FHIT: variants seen among roughly 807,000 people sequenced by gnomAD.
FHIT encodes the protein bis(5'-adenosyl)-triphosphatase.
Under a neutral mutation model 17.9 loss-of-function variants are expected in FHIT, and 19 were observed. That is an observed-to-expected ratio of 1.06 (90% CI 0.74 to 1.56). The LOEUF is 1.56. Ranked by LOEUF, FHIT falls within the 40% of genes most tolerant of loss-of-function variation. FHIT has a pLI of 0.00. For synonymous variants in FHIT, 81 were observed against 69.7 expected, an observed-to-expected ratio of 1.16 and a Z score of -0.81; for missense variants, 248 against 189.2, an observed-to-expected ratio of 1.31 and a Z score of -1.82.
At chr3:60,140,214 T>C (rs1343874264) in intron 5 of FHIT, among the ~76,000 whole-genome samples, 5 of 152,190 alleles carry the variant, frequency 3.3e-5, no homozygotes, top group African/African-American at 1.2e-4. Context: ...TGTACAGTAG[T>C]AGACAAATGT....
In FHIT at chr3:59,916,753, T is replaced by C. The variant is rs1011810404; in HGVS notation, c.348+5593A>G. Among the ~76,000 whole-genome samples the C allele has an allele frequency of 2.6e-5, 4 of 152,330 alleles. No individual in the cohort carries two copies. In the East Asian group the frequency reaches 5.8e-4, roughly 22 times the overall value. On this transcript the variant is annotated intron_variant, in intron 8 of 9. Coordinates refer to ENST00000492590, the MANE Select transcript of FHIT (RefSeq NM_002012.4). The stretch of plus-strand genomic sequence containing the variant: ...GATACAGAGGGAGCATTTGAGGTCA[T>C]AGGTCATTAAATTAGCATTACTATA...
chr3:60,806,915 C>T (rs1477495030), intron 4 of FHIT, among the ~76,000 whole-genome samples: 1 of 152,266 alleles, frequency 6.6e-6, no homozygotes, highest in South Asian at 2.1e-4. Flanking sequence ...GATCAAATAT[C>T]ATCCTTCATT....
At chr3:60,057,861 T>C (rs919888563) in intron 5 of FHIT, among the ~76,000 whole-genome samples, 1 of 152,112 alleles carries the variant, frequency 6.6e-6, no homozygotes, top group African/African-American at 2.4e-5. Flanking sequence ...TGGTTTTACA[T>C]AGTCTGGTTT....
chr3:60,974,719 C>T (rs1239888688), intron 3 of FHIT, among the ~76,000 whole-genome samples: 1 of 152,146 alleles, frequency 6.6e-6, no homozygotes, highest in Admixed American at 6.6e-5. Context: ...TGAAAAGACG[C>T]AGTAGCATTA....
chr3:59,899,770 C>T (rs1193849480), intron 8 of FHIT, among the ~76,000 whole-genome samples: 6 of 152,132 alleles, frequency 3.9e-5, no homozygotes, highest in East Asian at 1.9e-4. Flanking sequence ...TGCTTGAACC[C>T]GGGAGGCGGA....
intron 5 of FHIT, among the ~76,000 whole-genome samples, chr3:60,431,372 G>A (rs927962271): frequency 6.6e-6 from 1 of 151,862 alleles, no homozygotes; most frequent in Non-Finnish European, 1.5e-5. Flanking sequence ...CAAAGCAGGG[G>A]CTCTCCCAAC....
intron 2 of FHIT, among the ~76,000 whole-genome samples, chr3:61,195,099 G>T (rs1252473558): frequency 6.6e-6 from 1 of 151,686 alleles, no homozygotes; most frequent in Non-Finnish European, 1.5e-5. Flanking sequence ...TTGCCCAGAT[G>T]TCATTTAGGG....
chr3:59,992,848 C>A (rs1441320944), intron 7 of FHIT, among the ~76,000 whole-genome samples: 1 of 152,026 alleles, frequency 6.6e-6, no homozygotes, highest in Admixed American at 6.6e-5. Context: ...GACTCAGGTT[C>A]CAGATATGAA....
At chr3:61,181,348 G>T (rs1208786806) in intron 2 of FHIT, among the ~76,000 whole-genome samples, 3 of 152,040 alleles carry the variant, frequency 2.0e-5, no homozygotes, top group Non-Finnish European at 4.4e-5. Flanking sequence ...CTACAAGAAG[G>T]ATGAAAAATT....
intron 3 of FHIT, among the ~76,000 whole-genome samples, chr3:60,881,307 A>G (rs185968206): frequency 8.5e-5 from 13 of 152,354 alleles, no homozygotes; most frequent in Admixed American, 3.3e-4. Context: ...ATAGTATTCA[A>G]TCCAAAGGGA....
intron 8 of FHIT, among the ~76,000 whole-genome samples, chr3:59,783,784 C>T (rs1031238862): frequency 6.6e-6 from 1 of 152,122 alleles, no homozygotes; most frequent in East Asian, 1.9e-4. Context: ...TTTGCCACAA[C>T]CCCCACACCC....
At chr3:59,795,778 G>A (rs773844818) in intron 8 of FHIT, among the ~76,000 whole-genome samples, 6 of 152,142 alleles carry the variant, frequency 3.9e-5, no homozygotes, top group Non-Finnish European at 7.3e-5. Flanking sequence ...TCAGGATTAA[G>A]GTAAGAGGTG....
intron 4 of FHIT, among the ~76,000 whole-genome samples, chr3:60,589,505 A>G (rs2038013553): frequency 6.6e-6 from 1 of 152,208 alleles, no homozygotes; most frequent in African/African-American, 2.4e-5. Flanking sequence ...GTATTTGACC[A>G]GTTCACTTTA....
At chr3:60,642,244 G>T (rs1553685492) in intron 4 of FHIT, among the ~76,000 whole-genome samples, 2 of 152,144 alleles carry the variant, frequency 1.3e-5, no homozygotes, top group African/African-American at 4.8e-5. Flanking sequence ...CGCCTAATAG[G>T]CTAGGAAGGC....
chr3:59,838,225 C>A (rs574036367), intron 8 of FHIT, among the ~76,000 whole-genome samples: 32 of 152,148 alleles, frequency 2.1e-4, no homozygotes, highest in Non-Finnish European at 4.0e-4. Context: ...CAGTCCCACT[C>A]TCTACCCAAA....
chr3:60,591,560 T>C (rs555416623), intron 4 of FHIT, among the ~76,000 whole-genome samples: 11 of 152,030 alleles, frequency 7.2e-5, no homozygotes, highest in Non-Finnish European at 1.3e-4. Context: ...ATAACCAGCA[T>C]ATGAAGCTGA....
intron 4 of FHIT, among the ~76,000 whole-genome samples, chr3:60,622,441 A>T (rs2039160454): frequency 6.6e-6 from 1 of 152,088 alleles, no homozygotes. Flanking sequence ...AAGGACTAAC[A>T]CACTTAAGAG....
chr3:60,294,840 G>C (rs1181099645), intron 5 of FHIT, among the ~76,000 whole-genome samples: 1 of 152,156 alleles, frequency 6.6e-6, no homozygotes, highest in East Asian at 1.9e-4. Context: ...GTTCTCTGGA[G>C]ATTAAGCTGT....
chr3:60,899,920 G>T (rs1706020757), intron 3 of FHIT, among the ~76,000 whole-genome samples: 1 of 152,130 alleles, frequency 6.6e-6, no homozygotes, highest in Non-Finnish European at 1.5e-5. Flanking sequence ...CACAGAAAAG[G>T]GAAATCTCTC....
Sources: allele counts gnomAD v4.1 joint callset (sites outside exome capture counted in the v4.1 genomes callset), GRCh38; gene constraint gnomAD v4.1.1; transcripts MANE v1.5; gene names NCBI Gene and HGNC (gene_info 2026-07-23, HGNC 2026-07-21).